DAB1: variants seen among roughly 807,000 people sequenced by gnomAD.
DAB1 encodes disabled homolog 1.
Under a neutral mutation model 64.6 loss-of-function variants are expected in DAB1, and 15 were observed. That is an observed-to-expected ratio of 0.23 (90% CI 0.16 to 0.36). The LOEUF (loss-of-function observed/expected upper bound fraction) is 0.36. Ranked by LOEUF, DAB1 falls within the 10% of genes least tolerant of loss-of-function variation. DAB1 has a pLI of 1.00. For missense variants in DAB1, 596 were observed against 706.7 expected (o/e 0.84, Z 1.78); for synonymous variants, 235 against 251.9 (o/e 0.93, Z 0.64).
At chr1:58,439,992 G>A (rs982316357) in intron 3 of DAB1, among the ~76,000 whole-genome samples, 21 of 152,250 alleles carry the variant, frequency 1.4e-4, no homozygotes, top group East Asian at 7.7e-4. Flanking sequence ...TTATCTCTAC[G>A]TGGTCACCTG....
chr1:57,772,806 A>G (rs1363046224), intron 6 of DAB1, among the ~76,000 whole-genome samples: 6 of 152,056 alleles, frequency 3.9e-5, no homozygotes, highest in Non-Finnish European at 8.8e-5. Flanking sequence ...CCAAAATTAC[A>G]TGTTGTGGCT....
intron 2 of DAB1, among the ~76,000 whole-genome samples, chr1:57,152,751 T>C (rs1659813988): frequency 1.3e-5 from 2 of 152,202 alleles, no homozygotes; most frequent in African/African-American, 4.8e-5. Flanking sequence ...ATAACTAATA[T>C]TTATAACTGT....
intron 6 of DAB1, among the ~76,000 whole-genome samples, chr1:57,710,570 G>A (rs1439693245): frequency 6.6e-6 from 1 of 152,030 alleles, no homozygotes; most frequent in East Asian, 1.9e-4. Context: ...TAAAACCTAT[G>A]TCCCCAAGTT....
intron 5 of DAB1, among the ~76,000 whole-genome samples, chr1:57,990,203 T>C (rs1177248278): frequency 2.6e-5 from 4 of 152,140 alleles, no homozygotes; most frequent in Non-Finnish European, 5.9e-5. Flanking sequence ...GAGTCCAAAA[T>C]AATGATGCTG....
At chr1:58,056,621 G>C (rs887846849) in intron 5 of DAB1, 4 of 658,628 alleles carry the variant, frequency 6.1e-6, no homozygotes, top group South Asian at 5.3e-5. Flanking sequence ...GCTGTCTTCT[G>C]TCTGATCCTC....
At position 57,304,186 on chromosome 1, in the gene DAB1, T is replaced by C. The variant is rs376710043; in HGVS notation, c.-136-13020A>G. Among the ~76,000 whole-genome samples, 1,054 of 152,242 alleles carry C rather than the reference T, an allele frequency of 6.9e-3. 14 individuals are homozygous for C. The highest frequency in any genetic ancestry group is 0.024 in the African/African-American group (983 of 41,538). ...AAGCAGGAGCAGGCACTTCACGTGG[T>C]GAAAACAGGAGCAGGAGAGAAGGTG... On this transcript the variant is annotated intron_variant, in intron 1 of 14. Transcript: ENST00000371236.
At chr1:58,545,189 ATCTCTATGT>A (rs1346624334) in intron 1 of DAB1, among the ~76,000 whole-genome samples, 3 of 152,160 alleles carry the variant, frequency 2.0e-5, no homozygotes, top group Non-Finnish European at 2.9e-5. Context: ...GAAAGCTCTC[ATCTCTATGT>A]CTATGCACAT....
intron 4 of DAB1, among the ~76,000 whole-genome samples, chr1:58,182,366 T>C (rs1164303144): frequency 2.0e-5 from 3 of 151,998 alleles, no homozygotes; most frequent in Admixed American, 2.0e-4. Context: ...CATTATTTCC[T>C]CAAATATTCT....
intron 2 of DAB1, among the ~76,000 whole-genome samples, chr1:57,271,015 C>G (rs1299695071): frequency 1.3e-5 from 2 of 152,074 alleles, no homozygotes; most frequent in Non-Finnish European, 1.5e-5. Flanking sequence ...GGTCAGTCAC[C>G]CAAAGTATAA....
At chr1:57,269,723 A>T (rs1397335163) in intron 2 of DAB1, among the ~76,000 whole-genome samples, 1 of 152,042 alleles carries the variant, frequency 6.6e-6, no homozygotes, top group Non-Finnish European at 1.5e-5. Flanking sequence ...TTTTCTCCCG[A>T]GAATATTTTC....
chr1:57,945,106 T>A (rs1041331223), intron 5 of DAB1, among the ~76,000 whole-genome samples: 1 of 152,190 alleles, frequency 6.6e-6, no homozygotes, highest in African/African-American at 2.4e-5. Context: ...GGAAAGTTAG[T>A]TATACAAAAC....
intron 9 of DAB1, among the ~76,000 whole-genome samples, chr1:57,050,907 G>A (rs115879143): frequency 1.8e-3 from 278 of 152,244 alleles, no homozygotes; most frequent in African/African-American, 6.1e-3. Context: ...AATAGAATAA[G>A]GGTTTCTAGC....
chr1:57,515,748 T>G (rs1248892278), intron 7 of DAB1, among the ~76,000 whole-genome samples: 1 of 152,270 alleles, frequency 6.6e-6, no homozygotes, highest in Non-Finnish European at 1.5e-5. Context: ...ATCTTTCTTG[T>G]GCCAAGCCTT....
At chr1:58,184,529 G>A (rs1355318987) in intron 4 of DAB1, among the ~76,000 whole-genome samples, 1 of 151,914 alleles carries the variant, frequency 6.6e-6, no homozygotes, top group Non-Finnish European at 1.5e-5. Flanking sequence ...TGCTCTTCAG[G>A]TACACTATCC....
chr1:58,333,013 G>A (rs1335444127), intron 4 of DAB1, among the ~76,000 whole-genome samples: 2 of 152,152 alleles, frequency 1.3e-5, no homozygotes, highest in East Asian at 1.9e-4. Flanking sequence ...GGGTTCAAGC[G>A]ATTCTCCTGC....
chr1:58,313,667 C>A (rs980098977), intron 4 of DAB1, among the ~76,000 whole-genome samples: 1 of 152,078 alleles, frequency 6.6e-6, no homozygotes, highest in Non-Finnish European at 1.5e-5. Flanking sequence ...GCTGCCATAA[C>A]AAAATACCAT....
intron 5 of DAB1, among the ~76,000 whole-genome samples, chr1:58,142,384 C>A (rs1654338247): frequency 6.6e-6 from 1 of 152,194 alleles, no homozygotes; most frequent in Admixed American, 6.5e-5. Flanking sequence ...ACTGTTAATT[C>A]CATTTTTAAT....
chr1:57,875,268 C>G (rs1569896963), intron 1 of DAB1: 1 of 152,266 alleles, frequency 6.6e-6, no homozygotes, highest in South Asian at 2.1e-4. Context: ...GGAGCCCTAC[C>G]TCCTGTCTCC....
chr1:58,137,443 C>A (rs926153225), intron 5 of DAB1, among the ~76,000 whole-genome samples: 1 of 152,124 alleles, frequency 6.6e-6, no homozygotes, highest in African/African-American at 2.4e-5. Flanking sequence ...ACCATCCATC[C>A]ATTCATCTAT....
Sources: gnomAD v4.1 joint callset for allele counts (sites outside exome capture counted in the v4.1 genomes callset) on GRCh38, gnomAD v4.1.1 for gene constraint, MANE v1.5 for transcripts, NCBI Gene and HGNC (gene_info 2026-07-23, HGNC 2026-07-21) for gene names.